The following DNPEP variants were observed in gnomAD, a reference collection of about 807,000 sequenced individuals.
The protein encoded by DNPEP is aspartyl aminopeptidase.
A neutral mutation model predicts 59.1 loss-of-function variants in DNPEP; 46 were observed. The observed-to-expected ratio is 0.78, with a 90% CI of 0.61 to 0.99. The LOEUF is 0.99. Ranked by LOEUF, DNPEP falls within the 50% of genes least tolerant of loss-of-function variation. DNPEP has a pLI of 0.00. For missense variants in DNPEP, 617 were observed against 649.9 expected (o/e 0.95, Z 0.55); for synonymous variants, 229 against 242.2 (o/e 0.95, Z 0.50).
Position 219,374,850 on chromosome 2 carries a change from G to A in DNPEP, c.1407+5C>T. 6.2e-7 allele frequency: 1 copy of A among 1,611,902 alleles called. No individual in the cohort carries two copies. The highest frequency in any genetic ancestry group is 8.5e-7 in the Non-Finnish European group (1 of 1,178,176). ...CTGCCAGAGAGGGTCTGGGGTGGGT[G>A]TTACCTTGAAGAGGGTGAGGGTCTG... On this transcript the variant is annotated splice_donor_5th_base_variant and intron_variant, in intron 14 of 14. Transcript: ENST00000273075.
In DNPEP at chr2:219,382,907, A is replaced by C. The variant is rs371789788; in HGVS notation, c.936+224T>G. On this transcript the variant is annotated intron_variant, in intron 10 of 14. Coordinates refer to ENST00000273075, the MANE Select transcript of DNPEP (RefSeq NM_012100.4). Reference sequence around the variant, plus strand: ...GGTAGAGTCCCTGTCCTAAAGGAAGAAGCTCACCATGTGGCACAAAGAGAG... The same window carrying C: ...GGTAGAGTCCCTGTCCTAAAGGAAGCAGCTCACCATGTGGCACAAAGAGAG... 7.9e-5 allele frequency among the ~76,000 whole-genome samples: 12 copies of C among 152,324 alleles called. 1 individual carries two copies. Among genetic ancestry groups the C allele is most frequent in the African/African-American group, 2.9e-4 (12 of 41,570 alleles).
Position 219,382,034 on chromosome 2 carries a change from G to C in DNPEP, c.1042C>G (p.Pro348Ala). ...QHPTAFEEAIPKSFMISADMA... is the reference protein window; with the variant it reads ...QHPTAFEEAIAKSFMISADMA... ...TCTGCGCTGATCATGAAGGACTTGG[G>C]TATGGCTTCCTCGAAGGCTGTCGGG... The change falls in exon 11 of 15, where the codon CCC becomes GCC. Residue 348 changes from proline (P) to alanine (A), a missense_variant. Transcript: ENST00000273075. 1.2e-6 allele frequency: 2 copies of C among 1,614,214 alleles called. No homozygotes were observed. Among genetic ancestry groups the C allele is most frequent in the South Asian group, 2.2e-5 (2 of 91,084 alleles).
intron 13 of DNPEP, among the ~76,000 whole-genome samples, chr2:219,379,705 A>C (rs1046806665): frequency 6.6e-6 from 1 of 151,880 alleles, no homozygotes; most frequent in African/African-American, 2.4e-5. Context: ...GGCGGATCAC[A>C]AGGTCAGGAG....
chr2:219,381,026 C>T (rs984816645), intron 13 of DNPEP, among the ~76,000 whole-genome samples: 1 of 152,124 alleles, frequency 6.6e-6, no homozygotes, highest in South Asian at 2.1e-4. Context: ...CTACCATGTG[C>T]CAGGAGCACA....
In DNPEP at chr2:219,373,191, C is replaced by T. The variant is rs1391049417; in HGVS notation, c.*1101G>A. On this transcript the variant is annotated 3_prime_UTR_variant, in exon 15 of 15. Transcript: ENST00000273075. ...TCAAGCGATTCTCCTGCCTCAGCCT[C>T]CGGAGTGGCTGAGATTACAGGCATG... Among the ~76,000 whole-genome samples the T allele has an allele frequency of 2.0e-5, 1 of 51,032 alleles. No individual in the cohort carries two copies. The highest frequency in any genetic ancestry group is 4.8e-5 in the African/African-American group (1 of 20,838). The allele number at this position is 51,032 out of a possible 152,430, so 33.5% of individuals were successfully genotyped here. A position where few individuals can be genotyped will look rare whatever the true frequency, so the allele number is the denominator to read the frequency against.
At chr2:219,398,886 A>T (rs1954140994) in intron 1 of DNPEP, among the ~76,000 whole-genome samples, 1 of 152,214 alleles carries the variant, frequency 6.6e-6, no homozygotes, top group African/African-American at 2.4e-5. Flanking sequence ...TGGCAGGCAC[A>T]GGCCCTCGCC....
At chr2:219,386,207 C>G in intron 5 of DNPEP, 79 bp downstream of exon 5, 1 of 1,610,518 alleles carries the variant, frequency 6.2e-7, no homozygotes, top group African/African-American at 1.3e-5. Flanking sequence ...GCCCCCACCC[C>G]TCTTCCCCAC....
intron 11 of DNPEP, 70 bp downstream of exon 11, chr2:219,381,909 G>T: frequency 6.4e-7 from 1 of 1,567,672 alleles, no homozygotes. Flanking sequence ...GGCCAAGGCA[G>T]AGCCTCAAGG....
At position 219,372,522 on chromosome 2, in the gene DNPEP, C is replaced by T. The variant is rs1018000956; in HGVS notation, c.*1770G>A. ...CTGGGATTACAGGCACCCACCACCA[C>T]GCATGGCTAATTTTTTTTGTATTTT... On this transcript the variant is annotated 3_prime_UTR_variant, in exon 15 of 15. Coordinates refer to ENST00000273075, the MANE Select transcript of DNPEP (RefSeq NM_012100.4). Among the ~76,000 whole-genome samples, 6 of 152,002 alleles carry T rather than the reference C, an allele frequency of 3.9e-5. No homozygotes were observed. Among genetic ancestry groups the T allele is most frequent in the East Asian group, 1.9e-4 (1 of 5,190 alleles).
Position 219,387,877 on chromosome 2 carries a change from A to T in DNPEP, c.-83T>A. 5.6e-6 allele frequency: 8 copies of T among 1,418,910 alleles called. No individual in the cohort carries two copies. The highest frequency in any genetic ancestry group is 2.6e-4 in the Middle Eastern group (1 of 3,858). The allele number at this position is 1,418,910 out of a possible 1,614,324, so 87.9% of individuals were successfully genotyped here. On this transcript the variant is annotated 5_prime_UTR_variant, in exon 1 of 15. The change abolishes the stop of an existing upstream ORF in the 5' untranslated region. Transcript: ENST00000273075. ...TTGCAGGTCCCCCGCGTGCCCCTTC[A>T]GGCCGCGCCGCACTCGTAGGCCTTC...
At chr2:219,374,421 A>G in intron 14 of DNPEP, 79 bp from the exon 15 acceptor site, 7 of 1,333,396 alleles carry the variant, frequency 5.2e-6, no homozygotes, top group East Asian at 4.6e-5. Context: ...TCCCACCAAC[A>G]TATGTTCCAG....
chr2:219,387,092 G>C lies in DNPEP; in HGVS notation c.108C>G (p.Asn36Lys). The change falls in exon 2 of 15, where the codon AAC (asparagine) becomes AAG (lysine). Residue 36 changes from asparagine to lysine, a missense_variant. Transcript: ENST00000273075. ...TACCATGGAAAGGAGAGGGACTCCG[G>C]TTCACGAACTTGAGGAGTTCCTTAG... is the stretch of plus-strand genomic sequence containing the variant. ...TAAKELLKFV[N>K]RSPSPFHAVA... The C allele has an allele frequency of 6.3e-7, 1 of 1,595,448 alleles. No individual in the cohort carries two copies. The highest frequency in any genetic ancestry group is 8.5e-7 in the Non-Finnish European group (1 of 1,170,050).
chr2:219,387,559 TCC>T (rs1953903771), intron 1 of DNPEP, 198 bp downstream of exon 1: 1 of 1,353,006 alleles, frequency 7.4e-7, no homozygotes, highest in Non-Finnish European at 9.6e-7. Context: ...GCACCCTGAC[TCC>T]TCTCTCGCAC....
At chr2:219,387,695 C>A (rs532278889) in intron 1 of DNPEP, 64 bp downstream of exon 1, 8 of 1,600,940 alleles carry the variant, frequency 5.0e-6, no homozygotes, top group Non-Finnish European at 6.8e-6. Flanking sequence ...TAAGCTTGGG[C>A]CCCGGAGGGC....
At chr2:219,387,414 C>T in intron 1 of DNPEP, 1 of 1,435,096 alleles carries the variant, frequency 7.0e-7, no homozygotes, top group Non-Finnish European at 9.2e-7. Flanking sequence ...CTAAGTCCCG[C>T]CCCCATGTCC....
intron 8 of DNPEP, chr2:219,385,180 ACT>A: frequency 2.2e-6 from 1 of 462,692 alleles, no homozygotes; most frequent in East Asian, 3.3e-5. Flanking sequence ...TGTAGAAGAA[ACT>A]CTTTGGGAAT....
In DNPEP at chr2:219,387,141, C is replaced by A. The variant is rs758407066; in HGVS notation, c.59G>T (p.Arg20Leu). ...AMQVAMNGKA[R>L]KEAVQTAAKE... ...AGCCGCAGTCTGCACCGCCTCTTTGCGGGCCTTACCGTTCATGGCCACCTA... is the reference window on the plus strand; with the variant it reads ...AGCCGCAGTCTGCACCGCCTCTTTGAGGGCCTTACCGTTCATGGCCACCTA... Residue 20 changes from arginine to leucine, a missense_variant, in exon 2 of 15, where the codon CGC becomes CTC. Transcript: ENST00000273075. 13 of 1,563,310 alleles carry A rather than the reference C, an allele frequency of 8.3e-6. No individual in the cohort carries two copies. In the Admixed American group the frequency reaches 2.5e-4, roughly 30 times the overall value.
upstream of DNPEP, chr2:219,388,015 C>T (rs1244505718): frequency 7.3e-6 from 8 of 1,100,996 alleles, no homozygotes; most frequent in African/African-American, 1.8e-5. Flanking sequence ...CCTCGGCGGG[C>T]TTACCCTGTC....
intron 8 of DNPEP, chr2:219,384,870 T>A: frequency 5.7e-6 from 1 of 176,642 alleles, no homozygotes; most frequent in South Asian, 1.2e-4. Flanking sequence ...CAAGCAGAGA[T>A]TGGAGAAGGG....
Sources: gnomAD v4.1 joint callset for allele counts (sites outside exome capture counted in the v4.1 genomes callset) on GRCh38, gnomAD v4.1.1 for gene constraint, MANE v1.5 for transcripts, NCBI Gene and HGNC (gene_info 2026-07-23, HGNC 2026-07-21) for gene names.